Variants in GPC4 observed in about 807,000 individuals in gnomAD.
GPC4 encodes glypican 4, also known as glypican-4.
In GPC4, 10 loss-of-function variants were observed where a neutral mutation model predicts 35.0. That is an observed-to-expected ratio of 0.29 (90% CI 0.18 to 0.48). GPC4 has a LOEUF of 0.48. GPC4 is among the 20% of genes least tolerant of loss of function. The pLI is 0.99. For synonymous variants in GPC4, 167 were observed against 170.2 expected (o/e 0.98, Z 0.15); for missense variants, 322 against 451.3 (o/e 0.71, Z 2.60).
rs780707485 is a variant in GPC4, at chrX:133,382,150, C to T, written c.160+32656G>A. On this transcript the variant is annotated intron_variant, in intron 1 of 8. Coordinates refer to ENST00000370828, the MANE Select transcript of GPC4 (RefSeq NM_001448.3). ...ATTACAAAACAGGCAAAAGGTGGGT[C>T]GGGTGCGGTGGCTCATGCTTGTATT... is the stretch of plus-strand genomic sequence containing the variant. 3.2e-3 allele frequency among the ~76,000 whole-genome samples: 363 copies of T among 111,889 alleles called. 4 individuals are homozygous for T. Among genetic ancestry groups the T allele is most frequent in the African/African-American group, 0.011 (346 of 30,812 alleles).
chrX:133,331,509 C>T (rs1335268782), intron 2 of GPC4, among the ~76,000 whole-genome samples: 1 of 111,625 alleles, frequency 9.0e-6, no homozygotes, highest in Non-Finnish European at 1.9e-5. Context: ...CAGTGGCTCA[C>T]GCCTGTCATC....
At chrX:133,340,842 C>T (rs1229078094) in intron 1 of GPC4, among the ~76,000 whole-genome samples, 1 of 111,571 alleles carries the variant, frequency 9.0e-6, no homozygotes, top group Non-Finnish European at 1.9e-5. Context: ...AATGTTAGTG[C>T]CCCCAAAAAA....
intron 1 of GPC4, among the ~76,000 whole-genome samples, chrX:133,413,599 A>C (rs1603103391): frequency 1.0e-5 from 1 of 98,197 alleles, no homozygotes; most frequent in African/African-American, 3.9e-5. Context: ...CGCTCCACTC[A>C]CTTCCATGAA....
At chrX:133,320,787 C>T (rs1035651125) in intron 3 of GPC4, among the ~76,000 whole-genome samples, 2 of 109,810 alleles carry the variant, frequency 1.8e-5, no homozygotes, top group African/African-American at 3.3e-5. Context: ...GTGGGAGGAT[C>T]GCTTGAGGCC....
intron 1 of GPC4, among the ~76,000 whole-genome samples, chrX:133,397,556 C>CAA (rs111513469): frequency 4.2e-5 from 4 of 95,714 alleles, no homozygotes; most frequent in African/African-American, 1.5e-4. Flanking sequence ...GACCTTGTCT[C>CAA]AAAAAAAAAA....
intron 1 of GPC4, among the ~76,000 whole-genome samples, chrX:133,402,926 A>G (rs80346186): frequency 9.3e-6 from 1 of 107,850 alleles, no homozygotes; most frequent in Non-Finnish European, 1.9e-5. Flanking sequence ...AAAAAAAAAA[A>G]AGAAAGAAAG....
At position 133,390,113 on chromosome X, in the gene GPC4, A is replaced by C. The variant is rs948043083; in HGVS notation, c.160+24693T>G. Among the ~76,000 whole-genome samples, 7 of 110,589 alleles carry C rather than the reference A, an allele frequency of 6.3e-5. No homozygotes were observed. In the Admixed American group the frequency reaches 6.8e-4, roughly 11 times the overall value. On this transcript the variant is annotated intron_variant, in intron 1 of 8. Coordinates refer to ENST00000370828, the MANE Select transcript of GPC4 (RefSeq NM_001448.3). Reference sequence around the variant, plus strand: ...AGCTTGAAGTGAGAGAGGCACACCCAAGCCAGCGTTCTCGTTATGATCTAA... The same window carrying C: ...AGCTTGAAGTGAGAGAGGCACACCCCAGCCAGCGTTCTCGTTATGATCTAA...
intron 1 of GPC4, among the ~76,000 whole-genome samples, chrX:133,346,122 G>T (rs1468196441): frequency 9.0e-6 from 1 of 111,426 alleles, no homozygotes; most frequent in Non-Finnish European, 1.9e-5. Context: ...CTATGCAAAT[G>T]TCTGATTGGG....
rs2124192008 is a variant in GPC4 at position 133,415,148 on chromosome X, C to A, written c.-183G>T. On this transcript the variant is annotated 5_prime_UTR_variant, in exon 1 of 9. Transcript: ENST00000370828. ...CGGGGCGAAAAGTAGAGCTGGGCCT[C>A]GCGTCAGGCAACGGTCCCCGGTGCC... 3 of 444,905 alleles carry A rather than the reference C, an allele frequency of 6.7e-6. No homozygotes were observed. In the East Asian group the frequency reaches 1.2e-4, roughly 17 times the overall value. The allele number at this position is 444,905 out of a possible 1,213,427, so 36.7% of individuals were successfully genotyped here.
chrX:133,335,620 A>T (rs1464089721), intron 2 of GPC4, among the ~76,000 whole-genome samples: 1 of 112,262 alleles, frequency 8.9e-6, no homozygotes, highest in Non-Finnish European at 1.9e-5. Flanking sequence ...AAATCCAATG[A>T]CTATAAAAAT....
chrX:133,311,370 G>C lies in GPC4; in HGVS notation c.765C>G (p.Ser255=). The C allele has an allele frequency of 8.3e-7, 1 of 1,210,981 alleles. No homozygotes were observed. Among genetic ancestry groups the C allele is most frequent in the Non-Finnish European group, 1.1e-6 (1 of 894,619 alleles). ...THALLKMIYC[S]HCRGLVTVKP... ...TCACAGTCACGAGACCCCGGCAGTG[G>C]GAGCAGTAGATCATCTTCAACAGGG... is the stretch of plus-strand genomic sequence containing the variant. Residue 255 remains serine, a synonymous_variant, in exon 4 of 9, where the codon TCC becomes TCG. Coordinates refer to ENST00000370828, the MANE Select transcript of GPC4 (RefSeq NM_001448.3).
chrX:133,393,564 C>T (rs981530810), intron 1 of GPC4, among the ~76,000 whole-genome samples: 4 of 110,433 alleles, frequency 3.6e-5, no homozygotes, highest in Non-Finnish European at 7.6e-5. Context: ...ATTTCCTTCC[C>T]TCCCCTACAC....
chrX:133,409,991 A>G (rs2068806199), intron 1 of GPC4, among the ~76,000 whole-genome samples: 1 of 101,433 alleles, frequency 9.9e-6, no homozygotes, highest in Middle Eastern at 4.4e-3. Context: ...TTGACTGACG[A>G]CATTCCCCTC....
chrX:133,378,757 A>G (rs755346192), intron 1 of GPC4, among the ~76,000 whole-genome samples: 1 of 110,972 alleles, frequency 9.0e-6, no homozygotes, highest in Non-Finnish European at 1.9e-5. Flanking sequence ...GACACAGAGG[A>G]AGAGGAGGTT....
At chrX:133,395,820 G>A (rs1425834242) in intron 1 of GPC4, among the ~76,000 whole-genome samples, 9 of 110,616 alleles carry the variant, frequency 8.1e-5, no homozygotes, top group Non-Finnish European at 1.3e-4. Flanking sequence ...TTAGCGGGCT[G>A]ATGAAATCAT....
intron 1 of GPC4, among the ~76,000 whole-genome samples, chrX:133,340,992 G>GA (rs769151724): frequency 9.3e-6 from 1 of 107,085 alleles, no homozygotes; most frequent in Non-Finnish European, 1.9e-5. Flanking sequence ...TCTACTAACA[G>GA]AAAAAAAAGG....
chrX:133,314,666 G>C (rs1179363755), intron 3 of GPC4, among the ~76,000 whole-genome samples: 4 of 111,318 alleles, frequency 3.6e-5, no homozygotes, highest in Non-Finnish European at 7.5e-5. Context: ...ATCAAAGTTA[G>C]GAAAAAAAAT....
At chrX:133,349,943 A>T (rs2068509717) in intron 1 of GPC4, among the ~76,000 whole-genome samples, 1 of 111,374 alleles carries the variant, frequency 9.0e-6, no homozygotes, top group South Asian at 3.9e-4. Flanking sequence ...TTTAACATCA[A>T]ATTATTTTCT....
At chrX:133,315,628 C>A in intron 3 of GPC4, among the ~76,000 whole-genome samples, 1 of 111,051 alleles carries the variant, frequency 9.0e-6, no homozygotes, top group Admixed American at 9.6e-5. Context: ...TCCGTAAGAC[C>A]CAAAACCAAG....
Sources: gnomAD v4.1 joint callset for allele counts (sites outside exome capture counted in the v4.1 genomes callset) on GRCh38, gnomAD v4.1.1 for gene constraint, MANE v1.5 for transcripts, NCBI Gene and HGNC (gene_info 2026-07-23, HGNC 2026-07-21) for gene names.